The following MKNK1 variants were observed in gnomAD, a reference collection of about 807,000 sequenced individuals.
The protein encoded by MKNK1 is MAPK interacting serine/threonine kinase 1.
MKNK1 carries 30 observed loss-of-function variants against 49.3 expected under a neutral mutation model. The ratio of observed to expected loss-of-function variants is 0.61; its 90% CI spans 0.46 to 0.83. MKNK1 has a LOEUF of 0.83. Among genes scored for constraint, MKNK1 ranks in the 40% least tolerant of loss-of-function variants. MKNK1 has a pLI of 0.00. For missense variants in MKNK1, 423 were observed against 524.7 expected, an observed-to-expected ratio of 0.81 and a Z score of 1.89; for synonymous variants, 176 against 201.7, an observed-to-expected ratio of 0.87 and a Z score of 1.08.
At chr1:46,562,124 G>T (rs147564162) in intron 10 of MKNK1, among the ~76,000 whole-genome samples, 1 of 152,034 alleles carries the variant, frequency 6.6e-6, no homozygotes, top group African/African-American at 2.4e-5. Flanking sequence ...GGCTGGGCGC[G>T]GTGGCTCACG....
chr1:46,575,223 T>C, intron 5 of MKNK1: 1 of 521,562 alleles, frequency 1.9e-6, no homozygotes, highest in Non-Finnish European at 3.4e-6. Context: ...TATCTTTCCA[T>C]AATGTTTAGT....
chr1:46,597,979 G>A (rs572508214), intron 1 of MKNK1, among the ~76,000 whole-genome samples: 6 of 152,222 alleles, frequency 3.9e-5, no homozygotes, highest in Non-Finnish European at 7.3e-5. Context: ...AGGCTGTTTA[G>A]CCGGGAGAAG....
intron 2 of MKNK1, 116 bp from the exon 3 acceptor site, chr1:46,583,445 T>C (rs1672050250): frequency 1.5e-6 from 1 of 670,270 alleles, no homozygotes; most frequent in South Asian, 2.0e-5. Flanking sequence ...ACACTGATGG[T>C]TTTTAAATAT....
chr1:46,587,777 A>G (rs1672783454), intron 2 of MKNK1, among the ~76,000 whole-genome samples: 1 of 152,066 alleles, frequency 6.6e-6, no homozygotes. Flanking sequence ...AGATCGCACC[A>G]TTGCACTCCA....
chr1:46,572,237 G>A (rs542864414), intron 6 of MKNK1, 70 bp from the exon 7 acceptor site: 1,117 of 1,298,914 alleles, frequency 8.6e-4, no homozygotes, highest in Non-Finnish European at 1.1e-3. Flanking sequence ...TTTTTTAGAC[G>A]AAGTCTCACT....
At chr1:46,591,651 GA>G (rs1225366559) in intron 2 of MKNK1, among the ~76,000 whole-genome samples, 1 of 152,132 alleles carries the variant, frequency 6.6e-6, no homozygotes, top group African/African-American at 2.4e-5. Flanking sequence ...CGCAGCCCAC[GA>G]GGCTCTCCAA....
intron 1 of MKNK1, among the ~76,000 whole-genome samples, chr1:46,599,791 C>T (rs780374287): frequency 3.3e-5 from 5 of 152,146 alleles, no homozygotes; most frequent in African/African-American, 4.8e-5. Flanking sequence ...GTCTGGTTTC[C>T]TCATCTTTAG....
intron 2 of MKNK1, among the ~76,000 whole-genome samples, chr1:46,588,004 A>G (rs769831501): frequency 6.6e-6 from 1 of 152,218 alleles, no homozygotes; most frequent in Non-Finnish European, 1.5e-5. Context: ...TTCTGTACAT[A>G]TTATCTCTAA....
At chr1:46,571,609 C>A in intron 7 of MKNK1, 1 of 374,460 alleles carries the variant, frequency 2.7e-6, no homozygotes, top group Non-Finnish European at 5.2e-6. Flanking sequence ...TATTAAACTA[C>A]ATATATCCTA....
intron 2 of MKNK1, among the ~76,000 whole-genome samples, chr1:46,592,936 G>A (rs557225112): frequency 9.2e-5 from 14 of 152,174 alleles, no homozygotes; most frequent in South Asian, 4.2e-4. Context: ...GGCTGGGGAC[G>A]GGGAGCAGGG....
intron 3 of MKNK1, 77 bp from the exon 4 acceptor site, chr1:46,580,704 C>T: frequency 1.0e-6 from 1 of 985,654 alleles, no homozygotes; most frequent in Non-Finnish European, 1.6e-6. Context: ...ACTTTTGTGG[C>T]TCAGCTTCCC....
At position 46,559,834 on chromosome 1, in the gene MKNK1, C is replaced by T. The variant is rs141922851; in HGVS notation, c.1013+400G>A. On this transcript the variant is annotated intron_variant, in intron 12 of 12. Coordinates refer to ENST00000371945, the MANE Select transcript of MKNK1 (RefSeq NM_001135553.4). The stretch of plus-strand genomic sequence containing the variant: ...ATGGTAAGGACTTAATCCTGGTGGC[C>T]ACTATTATCACTGTCCGTCTAGTAC... 5.7e-3 allele frequency: 1,078 copies of T among 188,372 alleles called. 10 individuals are homozygous for T. Among genetic ancestry groups the T allele is most frequent in the Admixed American group, 0.033 (606 of 18,510 alleles). 11.7% of individuals were successfully genotyped at this position (188,372 alleles called of 1,614,324 possible).
chr1:46,585,122 T>C (rs1456358747), intron 2 of MKNK1, among the ~76,000 whole-genome samples: 2 of 150,444 alleles, frequency 1.3e-5, no homozygotes, highest in African/African-American at 4.9e-5. Context: ...TGGTGGCGGG[T>C]GCCTGTAGTG....
At position 46,564,466 on chromosome 1, in the gene MKNK1, G is replaced by GTTTTTTTT. The variant is rs568296534; in HGVS notation, c.609+567_609+574dup. The stretch of plus-strand genomic sequence containing the variant: ...GGGCTCAGCCTGTGTTTTTTTTATT[G>GTTTTTTTT]TTTTTTTTTTTTTTTTTTTTTTTTT... On this transcript the variant is annotated intron_variant, in intron 9 of 12. Transcript: ENST00000371945. Among the ~76,000 whole-genome samples the GTTTTTTTT allele has an allele frequency of 4.4e-3, 310 of 70,146 alleles. 50 individuals carry two copies. The highest frequency in any genetic ancestry group is 9.6e-3 in the African/African-American group (141 of 14,660). 46.0% of individuals were successfully genotyped at this position (70,146 alleles called of 152,430 possible). A position where few individuals can be genotyped will look rare whatever the true frequency, so the allele number is the denominator to read the frequency against.
At chr1:46,574,208 T>G (rs1670622916) in intron 6 of MKNK1, 1 of 152,220 alleles carries the variant, frequency 6.6e-6, no homozygotes, top group Admixed American at 6.5e-5. Context: ...ATATCTCTAT[T>G]TTATAGAAGG....
chr1:46,559,703 G>T (rs1667594228), intron 12 of MKNK1: 2 of 163,700 alleles, frequency 1.2e-5, no homozygotes, highest in South Asian at 3.2e-4. Context: ...GGAGTGCAGT[G>T]GCGTGATCGC....
In MKNK1 at chr1:46,566,113, C is replaced by G. The variant is rs145495973; in HGVS notation, c.514-977G>C. On this transcript the variant is annotated intron_variant, in intron 8 of 12. Transcript: ENST00000371945. ...TTTTCCATCACTCCAAACAGAAACT[C>G]TATACGCATTAAGCAATAACTCCCA... Among the ~76,000 whole-genome samples the G allele has an allele frequency of 2.1e-3, 327 of 152,350 alleles. 1 individual carries two copies. The highest frequency in any genetic ancestry group is 7.1e-3 in the African/African-American group (297 of 41,566).
intron 3 of MKNK1, chr1:46,582,688 G>A (rs1671925001): frequency 5.5e-6 from 2 of 362,386 alleles, no homozygotes; most frequent in South Asian, 4.1e-5. Context: ...CTCGCACACA[G>A]AGAGTGTCAA....
intron 10 of MKNK1, 55 bp from the exon 11 acceptor site, chr1:46,561,697 C>T (rs751902692): frequency 6.3e-7 from 1 of 1,583,704 alleles, no homozygotes; most frequent in Non-Finnish European, 8.6e-7. Flanking sequence ...GCAGGATGTG[C>T]CTGTCATTGT....
Sources: allele counts gnomAD v4.1 joint callset (sites outside exome capture counted in the v4.1 genomes callset), GRCh38; gene constraint gnomAD v4.1.1; transcripts MANE v1.5; gene names NCBI Gene and HGNC (gene_info 2026-07-23, HGNC 2026-07-21).